ATXN10: variants seen among roughly 807,000 people sequenced by gnomAD.
The protein encoded by ATXN10 is ataxin-10.
ATXN10 carries 28 observed loss-of-function variants against 52.9 expected under a neutral mutation model. The ratio of observed to expected loss-of-function variants is 0.53; its 90% CI spans 0.39 to 0.73. ATXN10 has a LOEUF of 0.73. ATXN10 is among the 30% of genes least tolerant of loss of function. The probability of loss-of-function intolerance (pLI) is 0.00; values close to 1 mark genes in which losing one functional copy is unlikely to be tolerated. For synonymous variants in ATXN10, 226 were observed against 221.5 expected, an observed-to-expected ratio of 1.02 and a Z score of -0.18; for missense variants, 565 against 577.0, an observed-to-expected ratio of 0.98 and a Z score of 0.21.
At chr22:45,685,531 T>C (rs1242737716) in intron 1 of ATXN10, among the ~76,000 whole-genome samples, 5 of 152,152 alleles carry the variant, frequency 3.3e-5, no homozygotes, top group Non-Finnish European at 5.9e-5. Context: ...AATATTGGAG[T>C]GATTGATCTT....
rs1929349047 is a variant in ATXN10, at chr22:45,841,641, T to G, written c.1238-1350T>G. Among the ~76,000 whole-genome samples the G allele has an allele frequency of 6.6e-6, 1 of 152,246 alleles. No individual in the cohort carries two copies. The highest frequency in any genetic ancestry group is 2.1e-4 in the South Asian group (1 of 4,836). On this transcript the variant is annotated intron_variant, in intron 10 of 11. Transcript: ENST00000252934. This position sits in a 1 kb window ranked among gnomAD's most constrained non-coding sequence, Gnocchi z 5.1. Reference sequence around the variant, plus strand: ...TCCTGAGCATACAGCTGACTGTGTTTAGTACGTTTCAGTTGTCTGACTTAA... The same window carrying G: ...TCCTGAGCATACAGCTGACTGTGTTGAGTACGTTTCAGTTGTCTGACTTAA...
intron 6 of ATXN10, among the ~76,000 whole-genome samples, chr22:45,720,316 CTTTT>C (rs75983888): frequency 7.1e-6 from 1 of 140,892 alleles, no homozygotes. Flanking sequence ...CTATTGTAAC[CTTTT>C]TTTTTTTTTT....
At chr22:45,742,893 A>C (rs1469990524) in intron 9 of ATXN10, among the ~76,000 whole-genome samples, 4 of 152,200 alleles carry the variant, frequency 2.6e-5, no homozygotes, top group Non-Finnish European at 5.9e-5. Context: ...CGAATAAAGC[A>C]CTTTACCTTT....
rs1030707014 is a variant in ATXN10 at position 45,763,005 on chromosome 22, G to A, written c.1173+22467G>A. On this transcript the variant is annotated intron_variant, in intron 9 of 11. Transcript: ENST00000252934. The surrounding 1 kb of genome is among the most constrained non-coding windows in gnomAD (Gnocchi z 6.9). ...CCTCAGGGGATTGGAATGCACAGAA[G>A]CATTTAAGAAGCGCTTTGTAAAGCC... Among the ~76,000 whole-genome samples the A allele has an allele frequency of 1.3e-5, 2 of 152,242 alleles. No individual in the cohort carries two copies. The highest frequency in any genetic ancestry group is 2.9e-5 in the Non-Finnish European group (2 of 68,046).
In ATXN10 at chr22:45,805,263, T is replaced by C. The variant is rs1273258906; in HGVS notation, c.1174-1696T>C. 6.6e-6 allele frequency among the ~76,000 whole-genome samples: 1 copy of C among 152,192 alleles called. No homozygotes were observed. Among genetic ancestry groups the C allele is most frequent in the Non-Finnish European group, 1.5e-5 (1 of 68,030 alleles). On this transcript the variant is annotated intron_variant, in intron 9 of 11. Coordinates refer to ENST00000252934, the MANE Select transcript of ATXN10 (RefSeq NM_013236.4). This position sits in a 1 kb window ranked among gnomAD's most constrained non-coding sequence, Gnocchi z 4.4. ...ACCCTCATAAATTGCTGGGTGAAAA[T>C]GTAAAATACTGTAAACACTGTGAAA...
At chr22:45,764,547 A>G (rs1380241770) in intron 9 of ATXN10, among the ~76,000 whole-genome samples, 1 of 152,136 alleles carries the variant, frequency 6.6e-6, no homozygotes, top group Non-Finnish European at 1.5e-5. Context: ...TACCAGTGGT[A>G]GTTTCGTTGA....
chr22:45,721,532 C>T (rs1410977102), intron 6 of ATXN10, among the ~76,000 whole-genome samples: 1 of 152,132 alleles, frequency 6.6e-6, no homozygotes, highest in Non-Finnish European at 1.5e-5. Flanking sequence ...CAAATACCAC[C>T]TCAGTACCTC....
rs1004308330 is a variant in ATXN10 at position 45,702,858 on chromosome 22, T to G, written c.647+11T>G. ...TGAATCAGAATGGCCGTAAGTATCT[T>G]GTTAGAAATTTGATTGCTTTGGGGC... On this transcript the variant is annotated intron_variant, in intron 5 of 11. Coordinates refer to ENST00000252934, the MANE Select transcript of ATXN10 (RefSeq NM_013236.4). 1 of 1,613,516 alleles carries G rather than the reference T, an allele frequency of 6.2e-7. No individual in the cohort carries two copies. Among genetic ancestry groups the G allele is most frequent in the Non-Finnish European group, 8.5e-7 (1 of 1,179,908 alleles).
chr22:45,693,965 A>G lies in ATXN10; in HGVS notation c.391+887A>G, dbSNP rs1258375726. 2.6e-5 allele frequency among the ~76,000 whole-genome samples: 4 copies of G among 152,334 alleles called. 1 individual carries two copies. The South Asian group carries it at 6.2e-4, about 24-fold the overall frequency. ...TTCAGTCTGTGGTAAGACTTTTAAT[A>G]TTTATGAATGTGACAGGCCCTGGTC... is the stretch of plus-strand genomic sequence containing the variant. On this transcript the variant is annotated intron_variant, in intron 3 of 11. Transcript: ENST00000252934.
intron 9 of ATXN10, chr22:45,793,865 G>C (rs1927609952): frequency 7.8e-7 from 1 of 1,280,706 alleles, no homozygotes; most frequent in Non-Finnish European, 9.9e-7. Flanking sequence ...GTGGTAAACA[G>C]CAACTTTGAT....
At chr22:45,740,060 G>C (rs1925450058) in intron 8 of ATXN10, among the ~76,000 whole-genome samples, 1 of 152,268 alleles carries the variant, frequency 6.6e-6, no homozygotes, top group Non-Finnish European at 1.5e-5. Flanking sequence ...AAACCTTTTT[G>C]TAAGAAGGAT....
At chr22:45,740,739 CGTGTGT>C (rs67459281) in intron 9 of ATXN10, 11 of 330,824 alleles carry the variant, frequency 3.3e-5, no homozygotes, top group African/African-American at 2.1e-4. Flanking sequence ...CACACACACA[CGTGTGT>C]GTGTGTGTGT....
intron 6 of ATXN10, among the ~76,000 whole-genome samples, chr22:45,725,908 G>A (rs935640225): frequency 6.6e-6 from 1 of 152,080 alleles, no homozygotes; most frequent in African/African-American, 2.4e-5. Context: ...CGTCTATTGG[G>A]ATGATCATAT....
At chr22:45,834,930 G>A (rs570765619) in intron 10 of ATXN10, among the ~76,000 whole-genome samples, 24 of 152,296 alleles carry the variant, frequency 1.6e-4, no homozygotes, top group Middle Eastern at 3.4e-3. Context: ...AAACCCTTTC[G>A]TGTGGTTTAA....
Position 45,754,272 on chromosome 22 carries a change from T to C in ATXN10, c.1173+13734T>C, listed in dbSNP as rs1157553930. ...AGTTTAAATTCTAGGATATTCTTGC[T>C]TTCTACCCAGGCAACACCTCACATG... On this transcript the variant is annotated intron_variant, in intron 9 of 11. Coordinates refer to ENST00000252934, the MANE Select transcript of ATXN10 (RefSeq NM_013236.4). The surrounding 1 kb of genome is among the most constrained non-coding windows in gnomAD (Gnocchi z 5.4). Among the ~76,000 whole-genome samples the C allele has an allele frequency of 6.6e-6, 1 of 152,244 alleles. No homozygotes were observed. Among genetic ancestry groups the C allele is most frequent in the East Asian group, 1.9e-4 (1 of 5,198 alleles).
chr22:45,819,219 A>ATAGAATAGAG lies in ATXN10; in HGVS notation c.1237+12206_1237+12207insGTAGAATAGA, dbSNP rs1429014837. 1.4e-5 allele frequency among the ~76,000 whole-genome samples: 2 copies of ATAGAATAGAG among 145,284 alleles called. No homozygotes were observed. The highest frequency in any genetic ancestry group is 3.0e-5 in the Non-Finnish European group (2 of 67,622). ...ATAGAATAGAATAGAATAGAATAGA[A>ATAGAATAGAG]TAGAATAGAATAGAATAGAATAGAA... On this transcript the variant is annotated intron_variant, in intron 10 of 11. Coordinates refer to ENST00000252934, the MANE Select transcript of ATXN10 (RefSeq NM_013236.4). This position sits in a 1 kb window ranked among gnomAD's most constrained non-coding sequence, Gnocchi z 4.5.
At chr22:45,756,762 A>G (rs1208387102) in intron 9 of ATXN10, among the ~76,000 whole-genome samples, 4 of 152,180 alleles carry the variant, frequency 2.6e-5, no homozygotes, top group African/African-American at 9.7e-5. Flanking sequence ...CACTTAGCTC[A>G]TATTACTCTC....
intron 7 of ATXN10, among the ~76,000 whole-genome samples, chr22:45,730,432 G>T (rs570355497): frequency 2.7e-4 from 41 of 151,920 alleles, no homozygotes; most frequent in African/African-American, 8.9e-4. Context: ...GGACATTTAG[G>T]TTGTTTGTTT....
chr22:45,843,891 TC>T lies in ATXN10; in HGVS notation c.*225del. ...AATGTAACTGTGTGGTTTGCCTTTGTCCCCCTGGATAGAACGTGCATTTAAA... is the reference window on the plus strand; with the variant it reads ...AATGTAACTGTGTGGTTTGCCTTTGTCCCCTGGATAGAACGTGCATTTAAA... On this transcript the variant is annotated 3_prime_UTR_variant, in exon 12 of 12. Transcript: ENST00000252934. The surrounding 1 kb of genome is among the most constrained non-coding windows in gnomAD (Gnocchi z 4.5). The T allele has an allele frequency of 1.7e-6, 1 of 593,754 alleles. No individual in the cohort carries two copies. The highest frequency in any genetic ancestry group is 3.0e-6 in the Non-Finnish European group (1 of 334,998). 36.8% of individuals were successfully genotyped at this position (593,754 alleles called of 1,614,324 possible). A position where few individuals can be genotyped will look rare whatever the true frequency, so the allele number is the denominator to read the frequency against.
Sources: allele counts gnomAD v4.1 joint callset (sites outside exome capture counted in the v4.1 genomes callset), GRCh38; gene constraint gnomAD v4.1.1; non-coding constraint Gnocchi (gnomAD v3.1); transcripts MANE v1.5; gene names NCBI Gene and HGNC (gene_info 2026-07-23, HGNC 2026-07-21).